Variants in PCDHGA2 observed in about 807,000 individuals in gnomAD.
The protein encoded by PCDHGA2 is protocadherin gamma-A2.
PCDHGA2 carries 40 observed loss-of-function variants against 59.2 expected under a neutral mutation model. That is an observed-to-expected ratio of 0.68 (90% CI 0.52 to 0.88). The LOEUF is 0.88. Among genes scored for constraint, PCDHGA2 ranks in the 40% least tolerant of loss-of-function variants. The pLI, the probability that PCDHGA2 is intolerant of heterozygous loss-of-function variation, is 0.00. For missense variants in PCDHGA2, 1,226 were observed against 1,204.0 expected (o/e 1.02, Z -0.27); for synonymous variants, 560 against 526.0 (o/e 1.06, Z -0.89).
intron 1 of PCDHGA2, chr5:141,360,795 A>T (rs755316172): frequency 6.2e-6 from 10 of 1,613,818 alleles, no homozygotes; most frequent in South Asian, 4.4e-5. Context: ...GCGGAGACCC[A>T]CCTCAAAGTG....
At chr5:141,346,397 C>T (rs1757748089) in intron 1 of PCDHGA2, 1 of 1,614,212 alleles carries the variant, frequency 6.2e-7, no homozygotes, top group Non-Finnish European at 8.5e-7. Flanking sequence ...GTGAGAAAAG[C>T]GAGCCTCTTC....
At chr5:141,344,094 G>A in intron 1 of PCDHGA2, 1 of 1,613,658 alleles carries the variant, frequency 6.2e-7, no homozygotes, top group South Asian at 1.1e-5. Context: ...CGCGCTCCTG[G>A]GGACGCTGTG....
intron 1 of PCDHGA2, chr5:141,403,502 A>G: frequency 6.2e-7 from 1 of 1,613,998 alleles, no homozygotes; most frequent in Non-Finnish European, 8.5e-7. Context: ...GAACGTGCAG[A>G]CTGGAGACAA....
chr5:141,395,655 A>G (rs1302159911), intron 1 of PCDHGA2: 1 of 164,294 alleles, frequency 6.1e-6, no homozygotes, highest in East Asian at 1.8e-4. Context: ...GCTTAGCAAA[A>G]GTAAAATATA....
chr5:141,420,252 C>G (rs745697672), intron 1 of PCDHGA2: 2 of 1,576,604 alleles, frequency 1.3e-6, no homozygotes, highest in Non-Finnish European at 1.7e-6. Flanking sequence ...AGCGTTGAAG[C>G]AGATAAGAAG....
In PCDHGA2 at chr5:141,343,364, A is replaced by T. The variant is rs193136151; in HGVS notation, c.2424+1969A>T. ...TCTCAGCTCTTAGAGAGTTAAGAGT[A>T]TAGAGAGGGAAAGGTCAAAGAGGAG... On this transcript the variant is annotated intron_variant, in intron 1 of 3. Transcript: ENST00000394576. The T allele has an allele frequency of 6.1e-6, 6 of 982,192 alleles. No individual in the cohort carries two copies. In the Admixed American group the frequency reaches 3.7e-4, roughly 60 times the overall value. The allele number at this position is 982,192 out of a possible 1,614,324, so 60.8% of individuals were successfully genotyped here.
chr5:141,505,570 C>A, intron 3 of PCDHGA2, 89 bp downstream of exon 3: 1 of 1,598,160 alleles, frequency 6.3e-7, no homozygotes, highest in South Asian at 1.1e-5. Context: ...GACTGGATGT[C>A]AAACCTGTGT....
In PCDHGA2 at chr5:141,487,227, G is replaced by A. The variant is rs763361726; in HGVS notation, c.2425-7580G>A. The A allele has an allele frequency of 6.2e-7, 1 of 1,614,070 alleles. No individual in the cohort carries two copies. Among genetic ancestry groups the A allele is most frequent in the Non-Finnish European group, 8.5e-7 (1 of 1,179,952 alleles). On this transcript the variant is annotated intron_variant, in intron 1 of 3. Transcript: ENST00000394576. The surrounding 1 kb of genome is among the most constrained non-coding windows in gnomAD (Gnocchi z 5.0). The stretch of plus-strand genomic sequence containing the variant: ...CGAGAATCTTCAGCTCCAAGGGAAG[G>A]AGAATCTCGTCTAACCCTCTACTTG...
At chr5:141,421,603 G>T (rs1207844782) in intron 1 of PCDHGA2, 4 of 1,613,758 alleles carry the variant, frequency 2.5e-6, no homozygotes, top group Non-Finnish European at 3.4e-6. Context: ...GGAAATAATA[G>T]ATATTAATGA....
rs538105673 is a variant in PCDHGA2, at chr5:141,427,796, C to T, written c.2425-67011C>T. On this transcript the variant is annotated intron_variant, in intron 1 of 3. Transcript: ENST00000394576. Reference sequence around the variant, plus strand: ...TGCGGGCACTGTCGTCCTACGTGTCCGTGAGCGCACAGAGCGGGGTGGTGG... The same window carrying T: ...TGCGGGCACTGTCGTCCTACGTGTCTGTGAGCGCACAGAGCGGGGTGGTGG... The T allele has an allele frequency of 3.6e-4, 547 of 1,502,104 alleles. 5 individuals carry two copies. In the South Asian group the frequency reaches 5.9e-3, roughly 16 times the overall value. The allele number at this position is 1,502,104 out of a possible 1,614,324, so 93.0% of individuals were successfully genotyped here.
chr5:141,439,354 C>G (rs746525653), intron 1 of PCDHGA2, among the ~76,000 whole-genome samples: 7 of 152,186 alleles, frequency 4.6e-5, no homozygotes, highest in Admixed American at 4.6e-4. Context: ...TACAAATACT[C>G]AAACATCAAG....
At chr5:141,409,331 G>A (rs1447189643) in intron 1 of PCDHGA2, 1 of 1,613,818 alleles carries the variant, frequency 6.2e-7, no homozygotes, top group African/African-American at 1.3e-5. Context: ...TCTGGATTTC[G>A]GAGGAAATGG....
rs1289513674 is a variant in PCDHGA2 at position 141,432,063 on chromosome 5, A to T, written c.2425-62744A>T. On this transcript the variant is annotated intron_variant, in intron 1 of 3. Coordinates refer to ENST00000394576, the MANE Select transcript of PCDHGA2 (RefSeq NM_018915.4). The surrounding 1 kb of genome is among the most constrained non-coding windows in gnomAD (Gnocchi z 6.0). ...CGGGGAACCCCGCCCCTATCCACGG[A>T]AACTCATATCTCGCTGAACGTGGCA... The T allele has an allele frequency of 8.7e-6, 14 of 1,614,134 alleles. No individual in the cohort carries two copies. The highest frequency in any genetic ancestry group is 1.2e-5 in the Non-Finnish European group (14 of 1,180,028).
intron 1 of PCDHGA2, chr5:141,415,086 G>A (rs769093571): frequency 3.1e-6 from 5 of 1,613,554 alleles, no homozygotes; most frequent in South Asian, 1.1e-5. Flanking sequence ...GAGCCCTGCT[G>A]GACAGAGACG....
At chr5:141,427,361 A>C in intron 1 of PCDHGA2, 1 of 457,772 alleles carries the variant, frequency 2.2e-6, no homozygotes, top group Non-Finnish European at 4.4e-6. Flanking sequence ...AGGACGCAGA[A>C]CCCTGGACGG....
At chr5:141,506,597 C>T (rs937487600) in intron 3 of PCDHGA2, among the ~76,000 whole-genome samples, 4 of 152,150 alleles carry the variant, frequency 2.6e-5, no homozygotes, top group Admixed American at 6.5e-5. Context: ...ACAGTATTAA[C>T]GGATCTCATT....
At position 141,403,020 on chromosome 5, in the gene PCDHGA2, T is replaced by A. The variant is rs761279674; in HGVS notation, c.2424+61625T>A. ...CTGCTATGCTCGCTCCTGGGGATGCTATGGGAGGCCAGGGCCAGTCAGATT... is the reference window on the plus strand; with the variant it reads ...CTGCTATGCTCGCTCCTGGGGATGCAATGGGAGGCCAGGGCCAGTCAGATT... On this transcript the variant is annotated intron_variant, in intron 1 of 3. Transcript: ENST00000394576. The A allele has an allele frequency of 8.1e-6, 13 of 1,614,034 alleles. 1 individual carries two copies. The South Asian group carries it at 1.4e-4, about 18-fold the overall frequency.
intron 1 of PCDHGA2, chr5:141,388,088 C>T (rs774450859): frequency 8.8e-6 from 12 of 1,368,276 alleles, no homozygotes; most frequent in Admixed American, 2.0e-5. Flanking sequence ...AACTGCGCGT[C>T]AGTTCGGAGA....
chr5:141,445,890 T>C (rs1435563284), intron 1 of PCDHGA2, among the ~76,000 whole-genome samples: 1 of 152,210 alleles, frequency 6.6e-6, no homozygotes, highest in Non-Finnish European at 1.5e-5. Context: ...ACTTAGGAGC[T>C]ATTAAAATAT....
Sources: gnomAD v4.1 joint callset for allele counts (sites outside exome capture counted in the v4.1 genomes callset) on GRCh38, gnomAD v4.1.1 for gene constraint, Gnocchi (gnomAD v3.1) non-coding constraint, MANE v1.5 for transcripts, NCBI Gene and HGNC (gene_info 2026-07-23, HGNC 2026-07-21) for gene names.